MYBBP1A: variants seen among roughly 807,000 people sequenced by gnomAD.
The protein encoded by MYBBP1A is MYB binding protein 1a.
A neutral mutation model predicts 136.3 loss-of-function variants in MYBBP1A; 147 were observed. The observed-to-expected ratio is 1.08, with a 90% confidence interval of 0.94 to 1.24. MYBBP1A has a LOEUF of 1.24. Ranked by LOEUF, MYBBP1A falls within the 50% of genes most tolerant of loss-of-function variation. The pLI is 0.00. For missense variants in MYBBP1A, 2,060 were observed against 1,727.4 expected (o/e 1.19, Z -3.41); for synonymous variants, 947 against 735.8 (o/e 1.29, Z -4.65).
chr17:4,554,779 A>G, intron 2 of MYBBP1A, 82 bp downstream of exon 2: 1 of 1,374,168 alleles, frequency 7.3e-7, no homozygotes, highest in Non-Finnish European at 1.0e-6. Flanking sequence ...CCTCCGCCAC[A>G]GCTGAGACAC....
rs1567611836 is a variant in MYBBP1A at position 4,550,178 on chromosome 17, G to A, written c.1199C>T (p.Pro400Leu). The A allele has an allele frequency of 6.2e-7, 1 of 1,613,972 alleles. No homozygotes were observed. The highest frequency in any genetic ancestry group is 8.5e-7 in the Non-Finnish European group (1 of 1,180,050). ...TFWRVVRFLSPPALQGYVAWL... is the reference protein window; with the variant it reads ...TFWRVVRFLSLPALQGYVAWL... ...GGCCACATAGCCCTGCAGGGCCGGA[G>A]GGCTCAGGAACCGCACGACCCGCCA... Residue 400 changes from proline (P) to leucine (L), a missense_variant, in exon 9 of 26, where the codon CCT (proline) becomes CTT (leucine). By Grantham distance (98) the Pro-to-Leu change is moderately conservative. Transcript: ENST00000254718.
In MYBBP1A at chr17:4,554,185, C is replaced by T. The variant is rs1567615227; in HGVS notation, c.378+10G>A. 33 of 1,613,848 alleles carry T rather than the reference C, an allele frequency of 2.0e-5. No individual in the cohort carries two copies. The highest frequency in any genetic ancestry group is 3.3e-5 in the South Asian group (3 of 91,082). On this transcript the variant is annotated intron_variant, in intron 3 of 25. Coordinates refer to ENST00000254718, the MANE Select transcript of MYBBP1A (RefSeq NM_014520.4). Reference sequence around the variant, plus strand: ...CCTGGGGCTGCTGACCTCCCTGGCCCCACTCTCACCTTCTTCACCTGATGC... The same window carrying T: ...CCTGGGGCTGCTGACCTCCCTGGCCTCACTCTCACCTTCTTCACCTGATGC...
At chr17:4,551,369 T>C (rs943812961) in intron 8 of MYBBP1A, among the ~76,000 whole-genome samples, 1 of 152,340 alleles carries the variant, frequency 6.6e-6, no homozygotes, top group African/African-American at 2.4e-5. Flanking sequence ...TGGCTATCCA[T>C]GCCCACAAGG....
chr17:4,540,234 A>G (rs928290225), intron 25 of MYBBP1A, 114 bp downstream of exon 25: 6 of 1,388,386 alleles, frequency 4.3e-6, no homozygotes, highest in East Asian at 2.4e-5. Flanking sequence ...GTGCAGCAGC[A>G]TGCGTGTGCA....
chr17:4,545,120 T>C lies in MYBBP1A; in HGVS notation c.2216A>G (p.Glu739Gly). ...NRSSESEEES[E>G]GEESEEEERD... is the part of the protein sequence containing the mutation. ...CTCCTCCTCCTCGCTCTCCTCCCCCTCGCTCTCCTCTTCACTCTCTGAGCT... is the reference window on the plus strand; with the variant it reads ...CTCCTCCTCCTCGCTCTCCTCCCCCCCGCTCTCCTCTTCACTCTCTGAGCT... Residue 739 changes from glutamate to glycine, a missense_variant, in exon 17 of 26, where the codon GAG becomes GGG. Glu to Gly is a moderately conservative substitution (Grantham distance 98, BLOSUM62 -2). Transcript: ENST00000254718. 10 of 1,610,284 alleles carry C rather than the reference T, an allele frequency of 6.2e-6. No homozygotes were observed. Among genetic ancestry groups the C allele is most frequent in the Non-Finnish European group, 7.6e-6 (9 of 1,178,900 alleles).
chr17:4,547,974 C>T lies in MYBBP1A; in HGVS notation c.1808G>A (p.Gly603Asp), dbSNP rs1907146044. 2 of 1,516,778 alleles carry T rather than the reference C, an allele frequency of 1.3e-6. No individual in the cohort carries two copies. Among genetic ancestry groups the T allele is most frequent in the Non-Finnish European group, 8.9e-7 (1 of 1,128,932 alleles). 94.0% of individuals were successfully genotyped at this position (1,516,778 alleles called of 1,614,324 possible). A position where few individuals can be genotyped will look rare whatever the true frequency, so the allele number is the denominator to read the frequency against. Residue 603 changes from glycine to aspartate, a missense_variant, in exon 13 of 26, where the codon GGC (glycine) becomes GAC (aspartate). Coordinates refer to ENST00000254718, the MANE Select transcript of MYBBP1A (RefSeq NM_014520.4). ...AAFQHLLLLV[G>D]IHLLKSPAES... Reference sequence around the variant, plus strand: ...CCCCAGTACCTTGAGGAGGTGGATGCCCACGAGGAGCAGAAGGTGCTGGAA... The same window carrying T: ...CCCCAGTACCTTGAGGAGGTGGATGTCCACGAGGAGCAGAAGGTGCTGGAA...
Position 4,552,860 on chromosome 17 carries a change from A to G in MYBBP1A, c.562-234T>C, listed in dbSNP as rs1241113448. On this transcript the variant is annotated intron_variant, in intron 5 of 25. Coordinates refer to ENST00000254718, the MANE Select transcript of MYBBP1A (RefSeq NM_014520.4). The surrounding 1 kb of genome is among the most constrained non-coding windows in gnomAD (Gnocchi z 4.7). ...CCCTTATTTTTTTTTTTTAAGACAG[A>G]GTCTCACTTTGCCACCCAGGCTGAG... Among the ~76,000 whole-genome samples, 1 of 149,230 alleles carries G rather than the reference A, an allele frequency of 6.7e-6. No homozygotes were observed. The highest frequency in any genetic ancestry group is 1.5e-5 in the Non-Finnish European group (1 of 67,544).
Position 4,548,239 on chromosome 17 carries a change from T to C in MYBBP1A, c.1628A>G (p.Tyr543Cys). Residue 543 changes from tyrosine to cysteine, a missense_variant, in exon 12 of 26, where the codon TAC (tyrosine) becomes TGC (cysteine). Tyr to Cys is a radical substitution (Grantham distance 194). Coordinates refer to ENST00000254718, the MANE Select transcript of MYBBP1A (RefSeq NM_014520.4). The surrounding 1 kb of genome is among the most constrained non-coding windows in gnomAD (Gnocchi z 4.2). ...GAGGTCTGCGAACTGCACCAGGTGG[T>C]AGGTCCAGGGCTGCCCACCCTGGGT... ...GQTQGGQPWT[Y>C]HLVQFADLLL... The C allele has an allele frequency of 6.2e-7, 1 of 1,611,740 alleles. No individual in the cohort carries two copies. Among genetic ancestry groups the C allele is most frequent in the Non-Finnish European group, 8.5e-7 (1 of 1,180,010 alleles).
Position 4,548,419 on chromosome 17 carries a change from C to T in MYBBP1A, c.1556+105G>A, listed in dbSNP as rs1907195257. 3.1e-6 allele frequency: 5 copies of T among 1,605,630 alleles called. No individual in the cohort carries two copies. The highest frequency in any genetic ancestry group is 3.3e-5 in the Admixed American group (2 of 60,020). On this transcript the variant is annotated intron_variant, in intron 11 of 25. Transcript: ENST00000254718. The surrounding 1 kb of genome is among the most constrained non-coding windows in gnomAD (Gnocchi z 4.2). Reference sequence around the variant, plus strand: ...CCCGCCTCTCCAGGACCTACTAGAACTCCGGGGGCCTCTGCCGTTGTTCCC... The same window carrying T: ...CCCGCCTCTCCAGGACCTACTAGAATTCCGGGGGCCTCTGCCGTTGTTCCC...
At chr17:4,540,043 C>T (rs1906221876) in intron 25 of MYBBP1A, 76 bp from the exon 26 acceptor site, 1 of 1,503,932 alleles carries the variant, frequency 6.6e-7, no homozygotes, top group Admixed American at 1.8e-5. Flanking sequence ...CTACCTCCAC[C>T]TGGATTCTGA....
At position 4,539,743 on chromosome 17, in the gene MYBBP1A, A is replaced by ACCTT; in HGVS notation, c.3655_3658dup (p.Val1220GlufsTer126). The ACCTT allele has an allele frequency of 6.2e-7, 1 of 1,612,274 alleles. No homozygotes were observed. Among genetic ancestry groups the ACCTT allele is most frequent in the African/African-American group, 1.3e-5 (1 of 74,662 alleles). ...TGGCGTCCCGTTTGCCTGGGCTGGG[A>ACCTT]CCTTAGCCTTTGTCCTGTTCCTCTT... On this transcript the variant is annotated frameshift_variant, in exon 26 of 26. Coordinates refer to ENST00000254718, the MANE Select transcript of MYBBP1A (RefSeq NM_014520.4). LOFTEE classifies it low-confidence loss of function (END_TRUNC).
intron 5 of MYBBP1A, among the ~76,000 whole-genome samples, chr17:4,553,280 C>A (rs748165870): frequency 6.6e-6 from 1 of 152,240 alleles, no homozygotes; most frequent in Non-Finnish European, 1.5e-5. Flanking sequence ...ACCTGCTACC[C>A]CTGCCTTTCT....
Position 4,555,184 on chromosome 17 carries a change from C to G in MYBBP1A, c.141G>C (p.Gln47His). The G allele has an allele frequency of 1.2e-6, 2 of 1,607,704 alleles. No individual in the cohort carries two copies. The highest frequency in any genetic ancestry group is 1.7e-6 in the Non-Finnish European group (2 of 1,177,344). The change falls in exon 1 of 26, where the codon CAG becomes CAC. Residue 47 changes from glutamine to histidine, a missense_variant. Transcript: ENST00000254718. ...TCTCCGTGGCCGCAAGTCGCGTCTC[C>G]TGCTCAGGCTTCGCAATGTCCCAGA... ...DFFWDIAKPE[Q>H]ETRLAATEKL...
Position 4,541,558 on chromosome 17 carries a change from G to T in MYBBP1A, c.3202C>A (p.Arg1068Ser), listed in dbSNP as rs573540438. The T allele has an allele frequency of 2.5e-6, 4 of 1,611,906 alleles. No individual in the cohort carries two copies. The highest frequency in any genetic ancestry group is 1.3e-5 in the African/African-American group (1 of 74,858). The change falls in exon 24 of 26, where the codon CGC becomes AGC. Residue 1068 changes from arginine (R) to serine (S), a missense_variant. Transcript: ENST00000254718. ...QVLAKVTENL[R>S]VLGEAQTKAQ... Reference sequence around the variant, plus strand: ...TTGGTCTGCGCCTCCCCCAGCACGCGCAAGTTCTAGGGAAGGGTGGCCAGG... The same window carrying T: ...TTGGTCTGCGCCTCCCCCAGCACGCTCAAGTTCTAGGGAAGGGTGGCCAGG...
In MYBBP1A at chr17:4,551,983, C is replaced by A. The variant is rs141034648; in HGVS notation, c.920G>T (p.Arg307Leu). The A allele has an allele frequency of 4.3e-6, 7 of 1,609,194 alleles. No individual in the cohort carries two copies. The highest frequency in any genetic ancestry group is 5.9e-6 in the Non-Finnish European group (7 of 1,176,526). The change falls in exon 8 of 26, where the codon CGC (arginine) becomes CTC (leucine). Residue 307 changes from arginine (R) to leucine (L), a missense_variant. Coordinates refer to ENST00000254718, the MANE Select transcript of MYBBP1A (RefSeq NM_014520.4). Reference sequence around the variant, plus strand: ...CAGGGGCAGGGCCGCGCCCAGCAGGCGGAAACACAGGTAGCTAAAGGGGGT... The same window carrying A: ...CAGGGGCAGGGCCGCGCCCAGCAGGAGGAAACACAGGTAGCTAAAGGGGGT... ...QFWPASYLCF[R>L]LLGAALPLLT...
In MYBBP1A at chr17:4,540,296, G is replaced by A. The variant is rs1906282144; in HGVS notation, c.3434+52C>T. On this transcript the variant is annotated intron_variant, in intron 25 of 25. Transcript: ENST00000254718. Reference sequence around the variant, plus strand: ...AGCGTGTGTGTGTGTGCAGCAGCGTGAGGGTGTTCCCAGCCCCTACCCAAG... The same window carrying A: ...AGCGTGTGTGTGTGTGCAGCAGCGTAAGGGTGTTCCCAGCCCCTACCCAAG... The A allele has an allele frequency of 1.0e-5, 16 of 1,553,496 alleles. No homozygotes were observed. In the South Asian group the frequency reaches 1.7e-4, roughly 16 times the overall value.
Position 4,548,371 on chromosome 17 carries a change from C to A in MYBBP1A, c.1557-61G>T. 1.2e-6 allele frequency: 2 copies of A among 1,603,782 alleles called. No homozygotes were observed. Among genetic ancestry groups the A allele is most frequent in the South Asian group, 2.2e-5 (2 of 90,850 alleles). On this transcript the variant is annotated intron_variant, in intron 11 of 25. Transcript: ENST00000254718. This position sits in a 1 kb window ranked among gnomAD's most constrained non-coding sequence, Gnocchi z 4.2. ...GATGAGTCAATGTAGCCGCCTCCCTCCGCCCTCCCCAGGGCTCGGTCTCCC... is the reference window on the plus strand; with the variant it reads ...GATGAGTCAATGTAGCCGCCTCCCTACGCCCTCCCCAGGGCTCGGTCTCCC...
intron 8 of MYBBP1A, 40 bp downstream of exon 8, chr17:4,551,840 A>G: frequency 6.4e-7 from 1 of 1,573,174 alleles, no homozygotes. Flanking sequence ...CTCCACGTCT[A>G]GCCTTTCTGG....
chr17:4,547,481 C>CCACCTA (rs1907108133), intron 13 of MYBBP1A, among the ~76,000 whole-genome samples: 1 of 152,130 alleles, frequency 6.6e-6, no homozygotes, highest in Admixed American at 6.6e-5. Flanking sequence ...AGCAAGAGAC[C>CCACCTA]CACCTACTCA....
Sources: allele counts gnomAD v4.1 joint callset (sites outside exome capture counted in the v4.1 genomes callset), GRCh38; gene constraint gnomAD v4.1.1; non-coding constraint Gnocchi (gnomAD v3.1); transcripts MANE v1.5; gene names NCBI Gene and HGNC (gene_info 2026-07-23, HGNC 2026-07-21).